Variants in TNRC6C observed in about 807,000 individuals in gnomAD.
TNRC6C encodes the protein trinucleotide repeat containing adaptor 6C, also known as trinucleotide repeat-containing gene 6C protein.
A neutral mutation model predicts 153.7 loss-of-function variants in TNRC6C; 20 were observed. The observed-to-expected ratio is 0.13, with a 90% confidence interval of 0.09 to 0.19. TNRC6C has a LOEUF of 0.19. Among genes scored for constraint, TNRC6C ranks in the 10% least tolerant of loss-of-function variants. TNRC6C has a pLI of 1.00. For synonymous variants in TNRC6C, 811 were observed against 841.4 expected, an observed-to-expected ratio of 0.96 and a Z score of 0.63; for missense variants, 1,987 against 2,172.0, an observed-to-expected ratio of 0.91 and a Z score of 1.69.
chr17:78,071,044 T>A (rs560367003), intron 5 of TNRC6C, 41 bp from the exon 8 acceptor site: 37 of 1,550,486 alleles, frequency 2.4e-5, no homozygotes, highest in African/African-American at 4.1e-5. Context: ...TGCATTAAAA[T>A]GTAGCTCATG....
At chr17:78,040,739 G>A (rs1201887885) in intron 2 of TNRC6C, among the ~76,000 whole-genome samples, 5 of 152,220 alleles carry the variant, frequency 3.3e-5, no homozygotes, top group Admixed American at 3.3e-4. Context: ...AAGTGAAAAT[G>A]TTTGTGACAA....
intron 1 of TNRC6C, among the ~76,000 whole-genome samples, chr17:77,989,036 A>G (rs1016592786): frequency 2.0e-5 from 3 of 152,252 alleles, no homozygotes; most frequent in African/African-American, 7.2e-5. Flanking sequence ...ACTAGAAGTC[A>G]TGAGTATGTA....
chr17:78,074,702 T>G (rs2073054810), intron 7 of TNRC6C, among the ~76,000 whole-genome samples: 2 of 152,220 alleles, frequency 1.3e-5, no homozygotes. Context: ...GGAGAGGATC[T>G]TTTGCAGACA....
exon 1 of TNRC6C, chr17:77,959,260 G>T (rs1045891945): frequency 2.7e-5 from 4 of 150,558 alleles, no homozygotes; most frequent in Non-Finnish European, 5.9e-5. Flanking sequence ...CGCCGGGGAC[G>T]GAGCCCAGGT....
At chr17:78,092,791 C>G (rs2073416569) in intron 14 of TNRC6C, 142 bp from the exon 17 acceptor site, 1 of 622,104 alleles carries the variant, frequency 1.6e-6, no homozygotes, top group Non-Finnish European at 2.8e-6. Flanking sequence ...CCTAGACAGA[C>G]CAAGTCTTAC....
Position 78,030,293 on chromosome 17 carries a change from G to A in TNRC6C, c.-545-1223G>A, listed in dbSNP as rs147986718. ...GCCTCCTGAATAGCTGGGATTACCCGTACCTGCCACCACACCTGGCTTGTG... is the reference window on the plus strand; with the variant it reads ...GCCTCCTGAATAGCTGGGATTACCCATACCTGCCACCACACCTGGCTTGTG... On this transcript the variant is annotated intron_variant, in intron 1 of 19. Coordinates refer to ENST00000301624, the Ensembl canonical transcript of TNRC6C. Among the ~76,000 whole-genome samples the A allele has an allele frequency of 1.1e-4, 16 of 151,926 alleles. No individual in the cohort carries two copies. The East Asian group carries it at 1.6e-3, about 15-fold the overall frequency.
intron 3 of TNRC6C, among the ~76,000 whole-genome samples, chr17:78,056,869 T>TTTTTTTTTTTTTTTTTTGAGACG (rs1555638091): frequency 8.6e-4 from 130 of 150,980 alleles, no homozygotes; most frequent in East Asian, 1.6e-3. Context: ...CTCTTTTATA[T>TTTTTTTTTTTTTTTTTTGAGACG]GAAAAATATT....
At chr17:78,098,394 C>T (rs201817980) in exon 17 of TNRC6C, 30 of 1,613,886 alleles carry the variant, frequency 1.9e-5, no homozygotes, top group South Asian at 5.5e-5. Flanking sequence ...ACCTCCCACA[C>T]GCAAGCCTCT....
chr17:78,104,825 C>T lies in TNRC6C; in HGVS notation c.5053C>T (p.Leu1685Phe). 1 of 1,437,450 alleles carries T rather than the reference C, an allele frequency of 7.0e-7. No individual in the cohort carries two copies. The highest frequency in any genetic ancestry group is 9.1e-7 in the Non-Finnish European group (1 of 1,097,368). 89.0% of individuals were successfully genotyped at this position (1,437,450 alleles called of 1,614,324 possible). ...AACCACCCTGCTGCCTGGGGACCTGCTCAGCGGGGAGTCCCTGTAGGCTCT... is the reference window on the plus strand; with the variant it reads ...AACCACCCTGCTGCCTGGGGACCTGTTCAGCGGGGAGTCCCTGTAGGCTCT... The change falls in exon 20 of 20, where the codon CTC (leucine) becomes TTC (phenylalanine). Residue 1685 changes from leucine to phenylalanine, a missense_variant. Leu to Phe is a conservative substitution (Grantham distance 22, BLOSUM62 0). Transcript: ENST00000301624. The surrounding 1 kb of genome is among the most constrained non-coding windows in gnomAD (Gnocchi z 6.2).
At chr17:78,032,451 C>G (rs1222532801) in intron 2 of TNRC6C, among the ~76,000 whole-genome samples, 1 of 152,200 alleles carries the variant, frequency 6.6e-6, no homozygotes, top group African/African-American at 2.4e-5. Context: ...GCTTCTTTTC[C>G]AATCTCCTTG....
rs141003240 is a variant in TNRC6C, at chr17:78,099,134, A to T, written c.4501+597A>T. On this transcript the variant is annotated intron_variant, in intron 17 of 19. Coordinates refer to ENST00000301624, the Ensembl canonical transcript of TNRC6C. ...TTACACCAGCGTGGGCAACAAAGTG[A>T]GACCCCATCTCCACAAAAAATAAAT... 9.4e-3 allele frequency among the ~76,000 whole-genome samples: 1,432 copies of T among 152,326 alleles called. 15 individuals are homozygous for T. Among genetic ancestry groups the T allele is most frequent in the South Asian group, 0.037 (177 of 4,828 alleles).
chr17:77,994,123 G>A (rs1046234676), intron 1 of TNRC6C, among the ~76,000 whole-genome samples: 30 of 152,222 alleles, frequency 2.0e-4, no homozygotes, highest in African/African-American at 6.5e-4. Flanking sequence ...AACCCAGGAG[G>A]CGAAGGTTGC....
At chr17:77,966,150 ATAG>A (rs1296157429) in intron 1 of TNRC6C, among the ~76,000 whole-genome samples, 17 of 152,348 alleles carry the variant, frequency 1.1e-4, no homozygotes, top group Non-Finnish European at 2.4e-4. Context: ...TGGCTGAGAC[ATAG>A]TAGGGACGGG....
intron 1 of TNRC6C, among the ~76,000 whole-genome samples, chr17:78,027,799 G>A (rs901767253): frequency 3.3e-5 from 5 of 152,056 alleles, no homozygotes; most frequent in Non-Finnish European, 7.4e-5. Context: ...AGGGATGTGC[G>A]TCTTTGAGTT....
intron 4 of TNRC6C, chr17:78,066,540 G>A (rs925074852): frequency 2.0e-5 from 3 of 152,148 alleles, no homozygotes; most frequent in African/African-American, 7.2e-5. Context: ...GCACAGTTAT[G>A]TGCCTATTCC....
chr17:77,999,412 C>T (rs1031504114), upstream of TNRC6C, among the ~76,000 whole-genome samples: 2 of 152,206 alleles, frequency 1.3e-5, no homozygotes, highest in African/African-American at 4.8e-5. Context: ...ACTCCTCTTC[C>T]CAAACCACCT....
chr17:78,009,269 T>G (rs1338402487), intron 1 of TNRC6C, among the ~76,000 whole-genome samples: 1 of 152,198 alleles, frequency 6.6e-6, no homozygotes, highest in East Asian at 1.9e-4. Context: ...CTGCCCTTAA[T>G]TGAGGCACAG....
chr17:78,102,671 C>T lies in TNRC6C; in HGVS notation c.4572+127C>T, dbSNP rs536224614. 3.4e-4 allele frequency: 313 copies of T among 928,690 alleles called. No homozygotes were observed. The African/African-American group carries it at 4.1e-3, about 12-fold the overall frequency. The allele number at this position is 928,690 out of a possible 1,614,324, so 57.5% of individuals were successfully genotyped here. A position where few individuals can be genotyped will look rare whatever the true frequency, so the allele number is the denominator to read the frequency against. On this transcript the variant is annotated intron_variant, in intron 18 of 19. Coordinates refer to ENST00000301624, the Ensembl canonical transcript of TNRC6C. Reference sequence around the variant, plus strand: ...GTTCTTGGTCAGGGTCCATAAGTGACGCTGCATGGGAGGAGATGAGCAAGT... The same window carrying T: ...GTTCTTGGTCAGGGTCCATAAGTGATGCTGCATGGGAGGAGATGAGCAAGT...
At chr17:78,004,416 G>A, upstream of TNRC6C, 2 of 985,914 alleles carry the variant, frequency 2.0e-6, no homozygotes, top group East Asian at 3.3e-5. Flanking sequence ...ATATCCTACT[G>A]GTGAAATAAA....
Sources: allele counts gnomAD v4.1 joint callset (sites outside exome capture counted in the v4.1 genomes callset), GRCh38; gene constraint gnomAD v4.1.1; non-coding constraint Gnocchi (gnomAD v3.1); transcripts MANE v1.5; gene names NCBI Gene and HGNC (gene_info 2026-07-23, HGNC 2026-07-21).